Variants in CPSF4 observed in about 807,000 individuals in gnomAD.
The protein encoded by CPSF4 is cleavage and polyadenylation specific factor 4.
A neutral mutation model predicts 37.7 loss-of-function variants in CPSF4; 11 were observed. The observed-to-expected ratio is 0.29, with a 90% confidence interval of 0.18 to 0.48. The LOEUF is 0.48. Ranked by LOEUF, CPSF4 falls within the 20% of genes least tolerant of loss-of-function variation. CPSF4 has a pLI of 0.99. For missense variants in CPSF4, 144 were observed against 359.5 expected (o/e 0.40, Z 4.85); for synonymous variants, 132 against 135.9 (o/e 0.97, Z 0.20).
intron 1 of CPSF4, chr7:99,443,478 C>T (rs1290471695): frequency 1.0e-5 from 9 of 880,194 alleles, no homozygotes; most frequent in Non-Finnish European, 1.7e-5. Flanking sequence ...TTATGGAGCT[C>T]CACCATCTCA....
In CPSF4 at chr7:99,447,260, TTTTTTTTTTTC is replaced by T. The variant is rs1227521482; in HGVS notation, c.155-850_155-840del. 3.0e-4 allele frequency among the ~76,000 whole-genome samples: 34 copies of T among 112,274 alleles called. 1 individual carries two copies. Among genetic ancestry groups the T allele is most frequent in the South Asian group, 1.9e-3 (8 of 4,204 alleles). 73.7% of individuals were successfully genotyped at this position (112,274 alleles called of 152,430 possible). On this transcript the variant is annotated intron_variant, in intron 2 of 7. Transcript: ENST00000292476. ...TCCTACACCCGGCCAAGTTCCTTTC[TTTTTTTTTTTC>T]TTTTTTTTTTTTTTGAGACAGAGTT...
At chr7:99,441,753 C>T (rs750240874) in intron 1 of CPSF4, among the ~76,000 whole-genome samples, 44 of 151,866 alleles carry the variant, frequency 2.9e-4, no homozygotes, top group Non-Finnish European at 4.0e-4. Flanking sequence ...AGCACAGTGA[C>T]GCGATCTTGG....
rs1436746090 is a variant in CPSF4 at position 99,447,670 on chromosome 7, A to G, written c.155-451A>G. 7 of 313,234 alleles carry G rather than the reference A, an allele frequency of 2.2e-5. No individual in the cohort carries two copies. The East Asian group carries it at 7.2e-4, about 32-fold the overall frequency. The allele number at this position is 313,234 out of a possible 1,614,324, so 19.4% of individuals were successfully genotyped here. A position where few individuals can be genotyped will look rare whatever the true frequency, so the allele number is the denominator to read the frequency against. ...AGTGGCGCGATCTCTGCTCACTGCA[A>G]GCTCCGCCTCCCGGGTTCACGCTGT... On this transcript the variant is annotated intron_variant, in intron 2 of 7. Coordinates refer to ENST00000292476, the MANE Select transcript of CPSF4 (RefSeq NM_006693.4).
chr7:99,439,247 G>A, intron 1 of CPSF4, 62 bp downstream of exon 1: 12 of 1,280,000 alleles, frequency 9.4e-6, no homozygotes, highest in Non-Finnish European at 1.2e-5. Context: ...GCTCCTCTGT[G>A]ATCCCGGGAC....
At chr7:99,440,495 T>C (rs914839693) in intron 1 of CPSF4, among the ~76,000 whole-genome samples, 3 of 151,544 alleles carry the variant, frequency 2.0e-5, no homozygotes, top group Non-Finnish European at 4.4e-5. Flanking sequence ...ACCACAGGCA[T>C]GCACCAACAC....
chr7:99,452,530 C>G, intron 6 of CPSF4, 90 bp downstream of exon 6: 1 of 1,175,560 alleles, frequency 8.5e-7, no homozygotes, highest in South Asian at 1.2e-5. Context: ...CTGCCTTAGA[C>G]CCCGCTGGAC....
Position 99,454,062 on chromosome 7 carries a change from G to A in CPSF4, c.667G>A (p.Gly223Arg). 2.5e-6 allele frequency: 4 copies of A among 1,614,204 alleles called. No individual in the cohort carries two copies. The highest frequency in any genetic ancestry group is 1.7e-6 in the Non-Finnish European group (2 of 1,180,042). Residue 223 changes from glycine to arginine, a missense_variant, in exon 7 of 8, where the codon GGG becomes AGG. Around this residue, in one of 4 missense-constraint regions of CPSF4, gnomAD observed 86 missense variants for 141.5 expected, o/e 0.61. Coordinates refer to ENST00000292476, the MANE Select transcript of CPSF4 (RefSeq NM_006693.4). ...PNQQRTPQVI[G>R]VMQSQNSSAG... ...TCAGCAGAGAACCCCGCAGGTCATC[G>A]GGGTCATGCAGAGTCAAAACAGCAG...
chr7:99,455,960 G>T (rs866615595), intron 7 of CPSF4, among the ~76,000 whole-genome samples: 16 of 152,370 alleles, frequency 1.1e-4, no homozygotes, highest in Middle Eastern at 3.4e-3. Context: ...TTCTGATGCT[G>T]TTCCCTCCCA....
intron 4 of CPSF4, 110 bp downstream of exon 4, chr7:99,450,481 C>G: frequency 1.2e-6 from 1 of 806,796 alleles, no homozygotes; most frequent in Middle Eastern, 2.9e-4. Context: ...ACCTGACATT[C>G]TGCAGCTAGC....
At chr7:99,450,638 A>C in intron 4 of CPSF4, 64 bp from the exon 5 acceptor site, 7 of 1,320,696 alleles carry the variant, frequency 5.3e-6, no homozygotes, top group Non-Finnish European at 6.6e-6. Context: ...AGCATTTGAA[A>C]CCATGCTCCA....
chr7:99,439,233 A>G, intron 1 of CPSF4, 48 bp downstream of exon 1: 2 of 1,403,890 alleles, frequency 1.4e-6, no homozygotes, highest in East Asian at 4.9e-5. Flanking sequence ...CGAACCCGGG[A>G]CCCGCTCCTC....
intron 5 of CPSF4, among the ~76,000 whole-genome samples, chr7:99,451,837 G>A (rs1354777923): frequency 9.2e-5 from 14 of 152,180 alleles, no homozygotes; most frequent in Non-Finnish European, 2.1e-4. Flanking sequence ...CCTACAGCAG[G>A]ATAACAGTCT....
intron 6 of CPSF4, chr7:99,452,869 G>T (rs1458787286): frequency 5.9e-6 from 1 of 168,376 alleles, no homozygotes; most frequent in Non-Finnish European, 1.3e-5. Flanking sequence ...GACACCACTG[G>T]GCAGGAGCAG....
In CPSF4 at chr7:99,448,040, G is replaced by C. The variant is rs1797667920; in HGVS notation, c.155-81G>C. On this transcript the variant is annotated intron_variant, in intron 2 of 7. Coordinates refer to ENST00000292476, the MANE Select transcript of CPSF4 (RefSeq NM_006693.4). This position sits in a 1 kb window ranked among gnomAD's most constrained non-coding sequence, Gnocchi z 4.4. ...GTGGCTCCAGGAGTTAGGAAGTGAA[G>C]GTACCTCAGCTTCTTCAGGCCGTGT... 6.9e-7 allele frequency: 1 copy of C among 1,456,274 alleles called. No individual in the cohort carries two copies. The highest frequency in any genetic ancestry group is 1.2e-5 in the South Asian group (1 of 81,066). 90.2% of individuals were successfully genotyped at this position (1,456,274 alleles called of 1,614,324 possible).
At chr7:99,447,536 T>C (rs1797615391) in intron 2 of CPSF4, among the ~76,000 whole-genome samples, 2 of 149,092 alleles carry the variant, frequency 1.3e-5, no homozygotes, top group Admixed American at 6.7e-5. Flanking sequence ...TCCCAGCACC[T>C]CCCCCCTTTT....
At position 99,456,648 on chromosome 7, in the gene CPSF4, G is replaced by C; in HGVS notation, c.*148G>C. 1 of 717,666 alleles carries C rather than the reference G, an allele frequency of 1.4e-6. No individual in the cohort carries two copies. Among genetic ancestry groups the C allele is most frequent in the Non-Finnish European group, 2.5e-6 (1 of 398,354 alleles). 44.5% of individuals were successfully genotyped at this position (717,666 alleles called of 1,614,324 possible). ...TCACTCTGAGGGGCCACGTCTGTTAGTTTCCTATCATTTTGCCTTAGTATT... is the reference window on the plus strand; with the variant it reads ...TCACTCTGAGGGGCCACGTCTGTTACTTTCCTATCATTTTGCCTTAGTATT... On this transcript the variant is annotated 3_prime_UTR_variant, in exon 8 of 8. Transcript: ENST00000292476.
At chr7:99,439,630 CTTAA>C (rs1409432781) in intron 1 of CPSF4, 1 of 157,036 alleles carries the variant, frequency 6.4e-6, no homozygotes, top group Non-Finnish European at 1.4e-5. Context: ...TGTCTGTTCG[CTTAA>C]TTCTTGAATA....
At chr7:99,442,267 C>T (rs1256839736) in intron 1 of CPSF4, among the ~76,000 whole-genome samples, 1 of 152,164 alleles carries the variant, frequency 6.6e-6, no homozygotes, top group Non-Finnish European at 1.5e-5. Context: ...CTCATCAGAA[C>T]AGCTGGTCCC....
intron 1 of CPSF4, chr7:99,442,978 G>A (rs757322780): frequency 6.1e-5 from 97 of 1,589,070 alleles, no homozygotes; most frequent in East Asian, 1.3e-4. Context: ...ATCCCAAATC[G>A]CTCCTTCCTC....
Sources: allele counts gnomAD v4.1 joint callset (sites outside exome capture counted in the v4.1 genomes callset), GRCh38; gene constraint gnomAD v4.1.1; regional missense constraint gnomAD v4.1.1; non-coding constraint Gnocchi (gnomAD v3.1); transcripts MANE v1.5; gene names NCBI Gene and HGNC (gene_info 2026-07-23, HGNC 2026-07-21).